Variants in ADCY2 observed in about 807,000 individuals in gnomAD.
The protein encoded by ADCY2 is adenylate cyclase 2.
In ADCY2, 31 loss-of-function variants were observed where a neutral mutation model predicts 125.2. The ratio of observed to expected loss-of-function variants is 0.25; its 90% CI spans 0.19 to 0.33. The LOEUF is 0.33. Ranked by LOEUF, ADCY2 falls within the 10% of genes least tolerant of loss-of-function variation. The pLI is 1.00. For synonymous variants in ADCY2, 512 were observed against 548.4 expected (o/e 0.93, Z 0.93); for missense variants, 904 against 1,418.2 (o/e 0.64, Z 5.82).
chr5:7,561,204 A>G (rs926975666), intron 3 of ADCY2, among the ~76,000 whole-genome samples: 1 of 152,202 alleles, frequency 6.6e-6, no homozygotes, highest in Non-Finnish European at 1.5e-5. Context: ...TTTAACAGAT[A>G]TATTCAAATA....
rs201269630 is a variant in ADCY2 at position 7,766,817 on chromosome 5, T to C, written c.2214+11T>C. The C allele has an allele frequency of 1.2e-6, 2 of 1,607,210 alleles. No individual in the cohort carries two copies. The highest frequency in any genetic ancestry group is 4.5e-5 in the East Asian group (2 of 44,834). The stretch of plus-strand genomic sequence containing the variant: ...TTATTTTTCCTCCCGGTAAGAACAT[T>C]GCAATTATGACTGCTTTGGTGGCTC... On this transcript the variant is annotated intron_variant, in intron 17 of 24. Coordinates refer to ENST00000338316, the MANE Select transcript of ADCY2 (RefSeq NM_020546.3).
At chr5:7,650,692 A>G (rs1227987316) in intron 4 of ADCY2, among the ~76,000 whole-genome samples, 1 of 152,184 alleles carries the variant, frequency 6.6e-6, no homozygotes, top group African/African-American at 2.4e-5. Flanking sequence ...AAATGAAATA[A>G]TGAGGACAGA....
intron 3 of ADCY2, among the ~76,000 whole-genome samples, chr5:7,616,678 C>A (rs1414387584): frequency 1.3e-5 from 2 of 152,152 alleles, no homozygotes; most frequent in Admixed American, 1.3e-4. Context: ...TTTTGACATT[C>A]CAGTAGATTC....
chr5:7,561,028 T>C (rs1232873024), intron 3 of ADCY2, among the ~76,000 whole-genome samples: 1 of 152,174 alleles, frequency 6.6e-6, no homozygotes, highest in East Asian at 1.9e-4. Flanking sequence ...GTAGTTTGTT[T>C]TCATTGTTGA....
intron 20 of ADCY2, chr5:7,796,897 G>T (rs1027811336): frequency 6.6e-6 from 1 of 152,204 alleles, no homozygotes; most frequent in African/African-American, 2.4e-5. Context: ...AATCGACCCC[G>T]TGCCAAGTCC....
intron 2 of ADCY2, among the ~76,000 whole-genome samples, chr5:7,499,648 GATATATATATATATATATATAT>G (rs70940741): frequency 1.5e-4 from 18 of 118,432 alleles, no homozygotes; most frequent in Non-Finnish European, 1.0e-4. Context: ...TATGTGGGTG[GATATATATATATATATATATAT>G]ATATATATAT....
At chr5:7,631,262 C>G (rs1738301091) in intron 4 of ADCY2, among the ~76,000 whole-genome samples, 1 of 152,190 alleles carries the variant, frequency 6.6e-6, no homozygotes, top group African/African-American at 2.4e-5. Context: ...CCCTGGTTTG[C>G]CATGTAACCT....
At chr5:7,615,210 G>T (rs962689335) in intron 3 of ADCY2, among the ~76,000 whole-genome samples, 4 of 152,146 alleles carry the variant, frequency 2.6e-5, no homozygotes, top group East Asian at 1.9e-4. Context: ...CAACACTGGG[G>T]ACTACAATTC....
intron 12 of ADCY2, among the ~76,000 whole-genome samples, chr5:7,717,488 G>A (rs1010085419): frequency 2.6e-5 from 4 of 152,210 alleles, no homozygotes; most frequent in African/African-American, 9.6e-5. Flanking sequence ...TAATTGGAAA[G>A]AGGAAAATTA....
chr5:7,666,419 C>T (rs1353931863), intron 4 of ADCY2, among the ~76,000 whole-genome samples: 14 of 151,700 alleles, frequency 9.2e-5, no homozygotes, highest in African/African-American at 2.4e-4. Flanking sequence ...CAGGCGCCCG[C>T]CACCACGCCC....
chr5:7,716,701 A>G (rs1280582394), intron 11 of ADCY2, among the ~76,000 whole-genome samples: 1 of 152,242 alleles, frequency 6.6e-6, no homozygotes, highest in Non-Finnish European at 1.5e-5. Flanking sequence ...AGGCTTACTG[A>G]CACAGAAAGA....
At chr5:7,749,070 G>A (rs191581839) in intron 15 of ADCY2, among the ~76,000 whole-genome samples, 119 of 152,286 alleles carry the variant, frequency 7.8e-4, no homozygotes, top group African/African-American at 2.7e-3. Flanking sequence ...CATGGACATG[G>A]ACCAGCATGG....
At chr5:7,660,743 G>T (rs1739498561) in intron 4 of ADCY2, among the ~76,000 whole-genome samples, 1 of 151,904 alleles carries the variant, frequency 6.6e-6, no homozygotes, top group Non-Finnish European at 1.5e-5. Flanking sequence ...AGGGTAATCT[G>T]CTTTACTTAA....
rs146133240 is a variant in ADCY2 at position 7,654,341 on chromosome 5, C to T, written c.720+28025C>T. ...AGCACAGGGAGGCCAAGAGGGAAAA[C>T]GGGATCGAGAGAAGGTTATTTTACA... On this transcript the variant is annotated intron_variant, in intron 4 of 24. Transcript: ENST00000338316. 38 of 353,200 alleles carry T rather than the reference C, an allele frequency of 1.1e-4. No homozygotes were observed. In the East Asian group the frequency reaches 1.3e-3, roughly 12 times the overall value. The allele number at this position is 353,200 out of a possible 1,614,324, so 21.9% of individuals were successfully genotyped here. A position where few individuals can be genotyped will look rare whatever the true frequency, so the allele number is the denominator to read the frequency against.
chr5:7,570,355 GT>G (rs888671468), intron 3 of ADCY2, among the ~76,000 whole-genome samples: 6 of 152,048 alleles, frequency 3.9e-5, no homozygotes, highest in Non-Finnish European at 8.8e-5. Context: ...CTATAATTTT[GT>G]TGTAATAAAT....
At chr5:7,514,818 A>G (rs1032663374) in intron 2 of ADCY2, among the ~76,000 whole-genome samples, 3 of 152,212 alleles carry the variant, frequency 2.0e-5, no homozygotes, top group African/African-American at 4.8e-5. Flanking sequence ...GTTGCTCAGG[A>G]TTGCTGGGAG....
chr5:7,710,393 T>C (rs1741401355), intron 10 of ADCY2, among the ~76,000 whole-genome samples: 1 of 151,988 alleles, frequency 6.6e-6, no homozygotes. Context: ...GGACCATAGA[T>C]AGAAAAATAA....
chr5:7,443,061 G>T (rs1741073603), intron 2 of ADCY2, among the ~76,000 whole-genome samples: 1 of 151,972 alleles, frequency 6.6e-6, no homozygotes, highest in Non-Finnish European at 1.5e-5. Context: ...CTTAGCTTTT[G>T]GATTTCTGCA....
chr5:7,668,424 T>TTC (rs199524520), intron 4 of ADCY2, among the ~76,000 whole-genome samples: 5 of 151,934 alleles, frequency 3.3e-5, no homozygotes, highest in African/African-American at 4.8e-5. Context: ...AAAGTAAATG[T>TTC]TCTCTCTCTC....
Sources: gnomAD v4.1 joint callset for allele counts (sites outside exome capture counted in the v4.1 genomes callset) on GRCh38, gnomAD v4.1.1 for gene constraint, MANE v1.5 for transcripts, NCBI Gene and HGNC (gene_info 2026-07-23, HGNC 2026-07-21) for gene names.